The following HYDIN variants were observed in gnomAD, a reference collection of about 807,000 sequenced individuals.
HYDIN encodes HYDIN axonemal central pair apparatus protein, also known as axonemal central pair apparatus protein HYDIN.
A neutral mutation model predicts 403.9 loss-of-function variants in HYDIN; 132 were observed. The ratio of observed to expected loss-of-function variants is 0.33; its 90% CI spans 0.28 to 0.38. The LOEUF is 0.38. Ranked by LOEUF, HYDIN falls within the 10% of genes least tolerant of loss-of-function variation. The pLI is 1.00. For missense variants in HYDIN, 2,827 were observed against 5,009.5 expected, an observed-to-expected ratio of 0.56 and a Z score of 13.15; for synonymous variants, 1,202 against 1,891.7, an observed-to-expected ratio of 0.64 and a Z score of 9.46.
intron 1 of HYDIN, among the ~76,000 whole-genome samples, chr16:71,203,018 G>C (rs907154816): frequency 2.6e-5 from 4 of 152,220 alleles, no homozygotes; most frequent in Admixed American, 2.6e-4. Flanking sequence ...TTTTGGGAAA[G>C]AGAAGTTATT....
intron 15 of HYDIN, chr16:71,066,340 G>A (rs2082263705): frequency 6.5e-6 from 1 of 153,184 alleles, no homozygotes; most frequent in Non-Finnish European, 1.5e-5. Flanking sequence ...AGTTGTTTCT[G>A]CACTGCTATT....
rs1345955485 is a variant in HYDIN, at chr16:70,850,579, T to C, written c.12520A>G (p.Lys4174Glu). The C allele has an allele frequency of 1.2e-6, 2 of 1,613,964 alleles. No homozygotes were observed. Among genetic ancestry groups the C allele is most frequent in the Non-Finnish European group, 8.5e-7 (1 of 1,179,952 alleles). The change falls in exon 74 of 86, where the codon AAA becomes GAA. Residue 4174 changes from lysine (K) to glutamate (E), a missense_variant. Lys to Glu is a moderately conservative substitution (Grantham distance 56). Transcript: ENST00000393567. Reference sequence around the variant, plus strand: ...ACATTTAATGTCACAGGGTGGACTTTCTTTTCCACATTGCAGATCAAATTA... The same window carrying C: ...ACATTTAATGTCACAGGGTGGACTTCCTTTTCCACATTGCAGATCAAATTA... The part of the protein sequence containing the change: ...NFNLICNVEK[K>E]VHPVTLNVKA...
intron 35 of HYDIN, among the ~76,000 whole-genome samples, chr16:70,972,589 TGAGA>T (rs2078764509): frequency 6.6e-6 from 1 of 150,660 alleles, no homozygotes; most frequent in Non-Finnish European, 1.5e-5. Flanking sequence ...TAATAGTTAT[TGAGA>T]GATTTACTTA....
At chr16:71,002,669 T>C (rs1383339114) in intron 23 of HYDIN, among the ~76,000 whole-genome samples, 2 of 150,128 alleles carry the variant, frequency 1.3e-5, no homozygotes, top group Admixed American at 6.6e-5. Context: ...CTTTAACCCA[T>C]TTGGAATTAA....
Position 70,943,930 on chromosome 16 carries a change from G to A in HYDIN, c.6551C>T (p.Pro2184Leu), listed in dbSNP as rs201833742. 2.3e-4 allele frequency: 374 copies of A among 1,610,786 alleles called. 1 individual carries two copies. In the Middle Eastern group the frequency reaches 4.5e-3, roughly 19 times the overall value. The change falls in exon 42 of 86, where the codon CCC becomes CTC. Residue 2184 changes from proline (P) to leucine (L), a missense_variant. By Grantham distance (98) the Pro-to-Leu change is moderately conservative. Coordinates refer to ENST00000393567, the MANE Select transcript of HYDIN (RefSeq NM_001270974.2). ...ETPQISSSPL[P>L]PGPIHRWLSV... ...GAGCCAGCGGTGGATGGGCCCCGGG[G>A]GGAGAGGGCTGGAGGAAATCTGTTG...
chr16:71,209,208 G>A (rs140715005), intron 1 of HYDIN, among the ~76,000 whole-genome samples: 1 of 150,036 alleles, frequency 6.7e-6, no homozygotes, highest in East Asian at 1.9e-4. Flanking sequence ...CATCTAGTAG[G>A]CTTTATCCCC....
At chr16:70,946,012 T>C (rs1214938730) in intron 41 of HYDIN, among the ~76,000 whole-genome samples, 1 of 151,818 alleles carries the variant, frequency 6.6e-6, no homozygotes, top group South Asian at 2.1e-4. Context: ...CGGGAAAGCA[T>C]TTTTAATGAT....
At chr16:71,082,516 T>C (rs2082814496) in intron 12 of HYDIN, among the ~76,000 whole-genome samples, 1 of 151,158 alleles carries the variant, frequency 6.6e-6, no homozygotes, top group Admixed American at 6.6e-5. Flanking sequence ...AAACTAGAAA[T>C]GAACATCCAA....
At chr16:70,845,977 C>A (rs1341565944) in intron 75 of HYDIN, among the ~76,000 whole-genome samples, 1 of 150,628 alleles carries the variant, frequency 6.6e-6, no homozygotes, top group South Asian at 2.1e-4. Context: ...TTTTGTTGAT[C>A]CTTTCAAAAA....
At chr16:71,198,740 C>T (rs1321442625) in intron 1 of HYDIN, among the ~76,000 whole-genome samples, 1 of 152,120 alleles carries the variant, frequency 6.6e-6, no homozygotes, top group East Asian at 1.9e-4. Context: ...GCAATGAATC[C>T]TGGGTTTCTG....
chr16:71,079,021 T>G (rs1372978867), intron 13 of HYDIN, among the ~76,000 whole-genome samples: 2 of 152,132 alleles, frequency 1.3e-5, no homozygotes, highest in Non-Finnish European at 2.9e-5. Context: ...ATATGTGGCG[T>G]GTACAACTTC....
At chr16:71,228,036 A>T (rs1385470185) in intron 1 of HYDIN, among the ~76,000 whole-genome samples, 1 of 152,150 alleles carries the variant, frequency 6.6e-6, no homozygotes, top group African/African-American at 2.4e-5. Context: ...TCTTTGACAA[A>T]CCTGACAAAA....
chr16:70,815,412 C>T (rs1482185912), intron 84 of HYDIN, among the ~76,000 whole-genome samples: 1 of 148,376 alleles, frequency 6.7e-6, no homozygotes, highest in Non-Finnish European at 1.5e-5. Context: ...GTCTCAATCC[C>T]CTCTCCACCC....
At chr16:71,223,651 C>A (rs962053408) in intron 1 of HYDIN, among the ~76,000 whole-genome samples, 2 of 151,650 alleles carry the variant, frequency 1.3e-5, no homozygotes, top group Non-Finnish European at 2.9e-5. Flanking sequence ...AACAAATAAT[C>A]CCTTCAAAAA....
At chr16:71,061,877 T>TGTGTGTGC (rs2144273057) in intron 17 of HYDIN, among the ~76,000 whole-genome samples, 1 of 55,232 alleles carries the variant, frequency 1.8e-5, no homozygotes, top group South Asian at 4.3e-4. Context: ...TGTGTGTGTG[T>TGTGTGTGC]GTGTGTGTGT....
intron 1 of HYDIN, among the ~76,000 whole-genome samples, chr16:71,223,104 T>C (rs1032691940): frequency 6.6e-6 from 1 of 152,156 alleles, no homozygotes; most frequent in African/African-American, 2.4e-5. Context: ...CAAAACAGCA[T>C]GGTACTGGTA....
chr16:70,971,382 C>T (rs1235175798), intron 35 of HYDIN, among the ~76,000 whole-genome samples: 1 of 152,242 alleles, frequency 6.6e-6, no homozygotes, highest in Non-Finnish European at 1.5e-5. Context: ...GATATCATAA[C>T]TACTCACATG....
At chr16:71,070,819 G>A (rs1029476013) in intron 13 of HYDIN, among the ~76,000 whole-genome samples, 7 of 118,636 alleles carry the variant, frequency 5.9e-5, no homozygotes, top group Admixed American at 3.7e-4. Flanking sequence ...GTTGCTGTCG[G>A]GGCTATTTTG....
At chr16:71,049,201 C>T (rs2081553593) in intron 18 of HYDIN, among the ~76,000 whole-genome samples, 1 of 152,218 alleles carries the variant, frequency 6.6e-6, no homozygotes, top group African/African-American at 2.4e-5. Context: ...GAAAGAAAAA[C>T]AGGAACGAAA....
Sources: gnomAD v4.1 joint callset for allele counts (sites outside exome capture counted in the v4.1 genomes callset) on GRCh38, gnomAD v4.1.1 for gene constraint, MANE v1.5 for transcripts, NCBI Gene and HGNC (gene_info 2026-07-23, HGNC 2026-07-21) for gene names.